The following PCDHA9 variants were observed in gnomAD, a reference collection of about 807,000 sequenced individuals.
PCDHA9 encodes protocadherin alpha-9.
A neutral mutation model predicts 62.0 loss-of-function variants in PCDHA9; 62 were observed. That is an observed-to-expected ratio of 1.00 (90% CI 0.81 to 1.23). The LOEUF is 1.23. Ranked by LOEUF, PCDHA9 falls within the 50% of genes most tolerant of loss-of-function variation. PCDHA9 has a pLI of 0.00. For missense variants in PCDHA9, 1,205 were observed against 1,249.8 expected (o/e 0.96, Z 0.54); for synonymous variants, 557 against 567.6 (o/e 0.98, Z 0.27).
chr5:140,888,724 C>G (rs1437926423), intron 1 of PCDHA9, among the ~76,000 whole-genome samples: 6 of 151,938 alleles, frequency 3.9e-5, no homozygotes, highest in African/African-American at 1.5e-4. Flanking sequence ...ATTTCCAGCC[C>G]TTTGTGAGCT....
chr5:140,885,861 A>G (rs1329895164), intron 1 of PCDHA9, among the ~76,000 whole-genome samples: 1 of 152,104 alleles, frequency 6.6e-6, no homozygotes, highest in African/African-American at 2.4e-5. Context: ...CTACTTTTCT[A>G]TTGAAAAAAA....
At position 141,011,477 on chromosome 5, in the gene PCDHA9, T is replaced by C. The variant is rs1256394490; in HGVS notation, c.*1540T>C. 2 of 153,818 alleles carry C rather than the reference T, an allele frequency of 1.3e-5. No homozygotes were observed. Among genetic ancestry groups the C allele is most frequent in the Non-Finnish European group, 2.9e-5 (2 of 68,052 alleles). The allele number at this position is 153,818 out of a possible 1,614,324, so 9.5% of individuals were successfully genotyped here. ...TTTATTGTTGAATGTAATTCCATTA[T>C]ATTTCCTTTTGTACACCTGTGAAAA... On this transcript the variant is annotated 3_prime_UTR_variant, in exon 4 of 4. Transcript: ENST00000532602.
intron 3 of PCDHA9, among the ~76,000 whole-genome samples, chr5:140,991,432 C>T (rs2153896288): frequency 6.6e-6 from 1 of 152,310 alleles, no homozygotes; most frequent in Non-Finnish European, 1.5e-5. Flanking sequence ...TAACCATAAA[C>T]TTCATGGCTT....
intron 1 of PCDHA9, chr5:140,926,720 T>C (rs2083499438): frequency 2.0e-6 from 2 of 1,002,404 alleles, no homozygotes; most frequent in Non-Finnish European, 2.7e-6. Flanking sequence ...GCCCCGGCAA[T>C]GCCGGCGTTC....
rs2150530845 is a variant in PCDHA9, at chr5:140,853,328, T to C, written c.2394+2439T>C. 4.5e-5 allele frequency: 44 copies of C among 984,766 alleles called. 1 individual carries two copies. The highest frequency in any genetic ancestry group is 5.0e-5 in the Non-Finnish European group (41 of 817,224). The allele number at this position is 984,766 out of a possible 1,614,324, so 61.0% of individuals were successfully genotyped here. On this transcript the variant is annotated intron_variant, in intron 1 of 3. Coordinates refer to ENST00000532602, the MANE Select transcript of PCDHA9 (RefSeq NM_031857.2). ...AACACCTTAGTAATAAATTTATCTT[T>C]TGAGGTCATTAGCAAACATGAACTC...
rs2043307910 is a variant in PCDHA9, at chr5:140,855,009, A to C, written c.2394+4120A>C. Among the ~76,000 whole-genome samples the C allele has an allele frequency of 1.3e-5, 2 of 149,938 alleles. 1 individual carries two copies. Among genetic ancestry groups the C allele is most frequent in the Admixed American group, 1.3e-4 (2 of 14,922 alleles). ...CTTTTTGCCCGTGTAAGATATTATA[A>C]AATGAAACTTCTTGTATAAAGGATT... On this transcript the variant is annotated intron_variant, in intron 1 of 3. Coordinates refer to ENST00000532602, the MANE Select transcript of PCDHA9 (RefSeq NM_031857.2).
At chr5:140,993,460 T>TCCCACACA (rs1554253699) in intron 3 of PCDHA9, among the ~76,000 whole-genome samples, 2 of 104,506 alleles carry the variant, frequency 1.9e-5, no homozygotes, top group African/African-American at 7.8e-5. Flanking sequence ...CTTCTTTCTT[T>TCCCACACA]CTCACACACA....
chr5:140,963,312 TG>T (rs2153735087), intron 1 of PCDHA9, among the ~76,000 whole-genome samples: 1 of 152,332 alleles, frequency 6.6e-6, no homozygotes, highest in African/African-American at 2.4e-5. Flanking sequence ...AGAAGCTGTT[TG>T]TATTAGAATT....
chr5:140,917,439 G>T (rs1437451173), intron 1 of PCDHA9, among the ~76,000 whole-genome samples: 1 of 151,364 alleles, frequency 6.6e-6, no homozygotes, highest in Non-Finnish European at 1.5e-5. Flanking sequence ...TTTTGTTTTT[G>T]CTGCAAGAGC....
chr5:140,863,266 G>T, intron 1 of PCDHA9: 2 of 1,458,576 alleles, frequency 1.4e-6, no homozygotes, highest in Non-Finnish European at 1.9e-6. Context: ...CCGGGAGGCA[G>T]CGCTGGTGGA....
intron 1 of PCDHA9, chr5:140,883,878 C>T: frequency 1.9e-6 from 3 of 1,613,260 alleles, no homozygotes; most frequent in Middle Eastern, 1.7e-4. Context: ...CAGGTGAGCG[C>T]GCGCGACTCT....
chr5:140,874,556 C>CAAAA (rs2054997993), intron 1 of PCDHA9, among the ~76,000 whole-genome samples: 1 of 152,178 alleles, frequency 6.6e-6, no homozygotes, highest in African/African-American at 2.4e-5. Flanking sequence ...AGAGATCTTT[C>CAAAA]GCATTTTAGT....
chr5:140,947,315 C>T (rs116397497), intron 1 of PCDHA9, among the ~76,000 whole-genome samples: 3,556 of 151,556 alleles, frequency 0.023, 49 homozygotes, highest in Middle Eastern at 0.034. Flanking sequence ...TGTAAAAAGT[C>T]GGTTGACCAT....
At chr5:140,873,489 C>G (rs2054319766) in intron 1 of PCDHA9, among the ~76,000 whole-genome samples, 1 of 152,054 alleles carries the variant, frequency 6.6e-6, no homozygotes, top group Admixed American at 6.6e-5. Context: ...CTGATTTCTG[C>G]AAAGTTGTGT....
chr5:140,893,753 A>G (rs1007226278), intron 1 of PCDHA9, among the ~76,000 whole-genome samples: 3 of 152,106 alleles, frequency 2.0e-5, no homozygotes, highest in South Asian at 2.1e-4. Context: ...GAATTTTCTT[A>G]TAGGTGACTT....
At chr5:140,884,179 G>A in intron 1 of PCDHA9, 3 of 1,613,460 alleles carry the variant, frequency 1.9e-6, no homozygotes, top group Non-Finnish European at 1.7e-6. Context: ...CGCGCCCTCT[G>A]GACGAGGTGG....
chr5:140,856,808 C>G (rs1554149136), intron 1 of PCDHA9: 1 of 1,594,492 alleles, frequency 6.3e-7, no homozygotes. Context: ...GTATGAAAAT[C>G]AAGTGAACCA....
At chr5:140,940,705 C>T (rs2092669255) in intron 1 of PCDHA9, among the ~76,000 whole-genome samples, 1 of 152,170 alleles carries the variant, frequency 6.6e-6, no homozygotes, top group Non-Finnish European at 1.5e-5. Context: ...AAGTGTATAC[C>T]TGCTGTGTGC....
In PCDHA9 at chr5:140,882,044, C is replaced by T. The variant is rs539916085; in HGVS notation, c.2394+31155C>T. The T allele has an allele frequency of 5.7e-6, 4 of 702,876 alleles. No individual in the cohort carries two copies. In the East Asian group the frequency reaches 1.1e-4, roughly 20 times the overall value. The allele number at this position is 702,876 out of a possible 1,614,324, so 43.5% of individuals were successfully genotyped here. Reference sequence around the variant, plus strand: ...TCAATGGAAAATATGAAGACTGAGTCATACTTACACTTACACGTTCATGCG... The same window carrying T: ...TCAATGGAAAATATGAAGACTGAGTTATACTTACACTTACACGTTCATGCG... On this transcript the variant is annotated intron_variant, in intron 1 of 3. Transcript: ENST00000532602.
Sources: allele counts gnomAD v4.1 joint callset (sites outside exome capture counted in the v4.1 genomes callset), GRCh38; gene constraint gnomAD v4.1.1; transcripts MANE v1.5; gene names NCBI Gene and HGNC (gene_info 2026-07-23, HGNC 2026-07-21).